The following VOPP1 variants were observed in gnomAD, a reference collection of about 807,000 sequenced individuals.
VOPP1 encodes VOPP1 WW domain binding protein.
VOPP1 carries 8 observed loss-of-function variants against 23.5 expected under a neutral mutation model. That is an observed-to-expected ratio of 0.34 (90% CI 0.20 to 0.61). VOPP1 has a LOEUF of 0.61. VOPP1 is among the 20% of genes least tolerant of loss of function. The probability of loss-of-function intolerance (pLI) is 0.78; values close to 1 mark genes in which losing one functional copy is unlikely to be tolerated. For synonymous variants in VOPP1, 83 were observed against 97.3 expected (o/e 0.85, Z 0.86); for missense variants, 174 against 238.1 (o/e 0.73, Z 1.77).
At chr7:55,486,621 G>T (rs927124880) in intron 4 of VOPP1, among the ~76,000 whole-genome samples, 1 of 152,216 alleles carries the variant, frequency 6.6e-6, no homozygotes, top group Non-Finnish European at 1.5e-5. Context: ...AAGTAAGACA[G>T]TTCCCACACC....
chr7:55,537,934 T>C (rs1042172500), intron 1 of VOPP1, among the ~76,000 whole-genome samples: 1 of 152,182 alleles, frequency 6.6e-6, no homozygotes, highest in Non-Finnish European at 1.5e-5. Context: ...CCAGCGTGAA[T>C]CTGGGCTGTC....
At chr7:55,521,207 A>T in intron 1 of VOPP1, 77 bp from the exon 2 acceptor site, 1 of 1,422,920 alleles carries the variant, frequency 7.0e-7, no homozygotes, top group Non-Finnish European at 9.7e-7. Flanking sequence ...CAAAGGCAGA[A>T]AGAAGGATGA....
chr7:55,489,790 T>G (rs1160726018), intron 4 of VOPP1, among the ~76,000 whole-genome samples: 1 of 152,116 alleles, frequency 6.6e-6, no homozygotes, highest in Non-Finnish European at 1.5e-5. Flanking sequence ...GCCGGGCATC[T>G]ACTTGGTGCC....
At chr7:55,513,536 A>G (rs909763777) in intron 2 of VOPP1, among the ~76,000 whole-genome samples, 6 of 152,110 alleles carry the variant, frequency 3.9e-5, no homozygotes, top group African/African-American at 1.4e-4. Context: ...TAAGTGAGCA[A>G]ACAGAACACC....
intron 4 of VOPP1, among the ~76,000 whole-genome samples, chr7:55,457,073 G>A (rs757036590): frequency 2.6e-5 from 4 of 151,944 alleles, no homozygotes; most frequent in Admixed American, 6.5e-5. Context: ...ACCTCTCTTC[G>A]TGACACCGTG....
chr7:55,498,512 G>A (rs1794139762), intron 2 of VOPP1, among the ~76,000 whole-genome samples: 1 of 152,200 alleles, frequency 6.6e-6, no homozygotes, highest in African/African-American at 2.4e-5. Flanking sequence ...CCTCCTTGAA[G>A]AGAGAAGATG....
At chr7:55,497,425 C>T (rs1401936931) in intron 3 of VOPP1, among the ~76,000 whole-genome samples, 188 bp downstream of exon 3, 1 of 152,192 alleles carries the variant, frequency 6.6e-6, no homozygotes, top group African/African-American at 2.4e-5. Flanking sequence ...AAACAGGCTT[C>T]CCACAAACCC....
intron 1 of VOPP1, among the ~76,000 whole-genome samples, chr7:55,544,234 C>T (rs1797265737): frequency 6.6e-6 from 1 of 152,066 alleles, no homozygotes; most frequent in South Asian, 2.1e-4. Flanking sequence ...AAATGTGTGG[C>T]CCAGCATGCT....
At chr7:55,552,565 G>A (rs1036639575) in intron 1 of VOPP1, 9 of 1,529,876 alleles carry the variant, frequency 5.9e-6, no homozygotes, top group Admixed American at 2.0e-5. Flanking sequence ...GGTGACAAAT[G>A]AAGTCTAGGA....
intron 4 of VOPP1, among the ~76,000 whole-genome samples, chr7:55,455,758 A>C (rs1409518271): frequency 6.6e-6 from 1 of 152,252 alleles, no homozygotes; most frequent in African/African-American, 2.4e-5. Context: ...ATATGCAGAA[A>C]GCTGAAACTG....
chr7:55,560,372 TA>T (rs1010280382), intron 1 of VOPP1, among the ~76,000 whole-genome samples: 1 of 152,164 alleles, frequency 6.6e-6, no homozygotes, highest in African/African-American at 2.4e-5. Flanking sequence ...ATGAGGAGAT[TA>T]TGCTGGGTAA....
Position 55,537,582 on chromosome 7 carries a change from G to A in VOPP1, c.55-16452C>T, listed in dbSNP as rs60741416. On this transcript the variant is annotated intron_variant, in intron 1 of 4. Coordinates refer to ENST00000285279, the MANE Select transcript of VOPP1 (RefSeq NM_030796.5). ...ACCTCCTCGCCAGCCAGTCGCCCAC[G>A]GTCCTGTCACTGCTGGGTCACACGC... 1,342 of 1,535,900 alleles carry A rather than the reference G, an allele frequency of 8.7e-4. 12 individuals carry two copies. The African/African-American group carries it at 0.017, about 19-fold the overall frequency.
At chr7:55,482,405 T>C (rs1289532167) in intron 4 of VOPP1, among the ~76,000 whole-genome samples, 1 of 147,388 alleles carries the variant, frequency 6.8e-6, no homozygotes, top group Non-Finnish European at 1.5e-5. Context: ...TGGAGTGCAG[T>C]GGCGCTATCT....
chr7:55,507,219 T>C (rs982374685), intron 2 of VOPP1, among the ~76,000 whole-genome samples: 10 of 152,160 alleles, frequency 6.6e-5, no homozygotes, highest in African/African-American at 2.4e-4. Flanking sequence ...GTCAGAACTG[T>C]CCAGCAGCTT....
chr7:55,521,565 C>T (rs1795857836), intron 1 of VOPP1: 2 of 991,102 alleles, frequency 2.0e-6, no homozygotes, highest in Admixed American at 6.1e-5. Flanking sequence ...TATGCTAAAG[C>T]CGCATTCCGA....
chr7:55,474,576 GC>G (rs1792092380), intron 4 of VOPP1, among the ~76,000 whole-genome samples: 2 of 152,194 alleles, frequency 1.3e-5, no homozygotes, highest in Admixed American at 6.5e-5. Context: ...CACAATAAGG[GC>G]CCCCCAACAG....
chr7:55,482,684 C>A (rs185764941), intron 4 of VOPP1, among the ~76,000 whole-genome samples: 6 of 151,992 alleles, frequency 3.9e-5, no homozygotes, highest in African/African-American at 1.4e-4. Context: ...AGGCACCCAG[C>A]CTTCAGGCCG....
intron 4 of VOPP1, among the ~76,000 whole-genome samples, chr7:55,465,022 C>T (rs1293014645): frequency 2.6e-5 from 4 of 152,164 alleles, no homozygotes; most frequent in Non-Finnish European, 4.4e-5. Flanking sequence ...CTCCTGGCTC[C>T]GAGCTGATTG....
chr7:55,490,168 G>A (rs775521522), intron 4 of VOPP1, among the ~76,000 whole-genome samples: 17 of 152,038 alleles, frequency 1.1e-4, no homozygotes, highest in Non-Finnish European at 1.6e-4. Context: ...AAAATAGCAC[G>A]GCCGATGTGC....
Sources: allele counts gnomAD v4.1 joint callset (sites outside exome capture counted in the v4.1 genomes callset), GRCh38; gene constraint gnomAD v4.1.1; transcripts MANE v1.5; gene names NCBI Gene and HGNC (gene_info 2026-07-23, HGNC 2026-07-21).